DNAH6: variants seen among roughly 807,000 people sequenced by gnomAD.
DNAH6 encodes the protein dynein axonemal heavy chain 6.
Under a neutral mutation model 491.4 loss-of-function variants are expected in DNAH6, and 340 were observed. The observed-to-expected ratio is 0.69, with a 90% confidence interval of 0.63 to 0.76. The LOEUF is 0.76. Among genes scored for constraint, DNAH6 ranks in the 30% least tolerant of loss-of-function variants. DNAH6 has a pLI of 0.00. For missense variants in DNAH6, 4,443 were observed against 4,972.2 expected (o/e 0.89, Z 3.20); for synonymous variants, 1,603 against 1,686.1 (o/e 0.95, Z 1.21).
At chr2:84,479,535 T>G in the DNAH6 span, among the ~76,000 whole-genome samples, 1 of 152,236 alleles carries the variant, frequency 6.6e-6, no homozygotes, top group Non-Finnish European at 1.5e-5. Context: ...ATTACCAATG[T>G]CTACACACAA....
In DNAH6 at chr2:84,714,595, T is replaced by C. The variant is rs180923959; in HGVS notation, c.9544-965T>C. 2.4e-4 allele frequency among the ~76,000 whole-genome samples: 36 copies of C among 152,156 alleles called. No homozygotes were observed. The East Asian group carries it at 6.2e-3, about 26-fold the overall frequency. ...AATGTATTGTACATTTAAAAATAACTAAAACAGCATAATCAGAATGTTTTT... is the reference window on the plus strand; with the variant it reads ...AATGTATTGTACATTTAAAAATAACCAAAACAGCATAATCAGAATGTTTTT... On this transcript the variant is annotated intron_variant, in intron 57 of 76. Coordinates refer to ENST00000389394, the MANE Select transcript of DNAH6 (RefSeq NM_001370.2).
At chr2:84,754,178 T>TTTTTC (rs1164470025) in intron 63 of DNAH6, among the ~76,000 whole-genome samples, 2 of 151,150 alleles carry the variant, frequency 1.3e-5, no homozygotes, top group African/African-American at 2.4e-5. Context: ...ACATTCTTTT[T>TTTTTC]TTTTCTTTTC....
chr2:84,647,005 C>T (rs1689964062), intron 33 of DNAH6, among the ~76,000 whole-genome samples: 1 of 152,026 alleles, frequency 6.6e-6, no homozygotes, highest in Non-Finnish European at 1.5e-5. Flanking sequence ...ATGCCACCAC[C>T]CATGGCTAAT....
Position 84,553,034 on chromosome 2 carries a change from GGT to G in DNAH6, c.1602+7_1602+8del. The G allele has an allele frequency of 6.4e-7, 1 of 1,567,542 alleles. No homozygotes were observed. Among genetic ancestry groups the G allele is most frequent in the Non-Finnish European group, 8.7e-7 (1 of 1,147,172 alleles). The stretch of plus-strand genomic sequence containing the variant: ...TTGAGCCTTCTCTGGAAGACTTTCT[GGT>G]GTGTGTTTTTCATGTATTATCCACA... On this transcript the variant is annotated splice_donor_variant, in intron 10 of 76. Transcript: ENST00000389394. LOFTEE classifies it high-confidence loss of function.
At chr2:84,571,943 A>G (rs1681937704) in intron 11 of DNAH6, among the ~76,000 whole-genome samples, 1 of 151,880 alleles carries the variant, frequency 6.6e-6, no homozygotes, top group African/African-American at 2.4e-5. Context: ...AAAAAAGAAA[A>G]CCAAAAAGAT....
In DNAH6 at chr2:84,727,605, A is replaced by G. The variant is rs768630253; in HGVS notation, c.9973-64A>G. ...CACTGAATGCGAACAAGGGAGACAG[A>G]TTTTTTGTTCTCTGCAGAGAATGAA... On this transcript the variant is annotated intron_variant, in intron 60 of 76. Transcript: ENST00000389394. The G allele has an allele frequency of 4.8e-4, 503 of 1,055,126 alleles. 1 individual carries two copies. The highest frequency in any genetic ancestry group is 6.3e-4 in the Non-Finnish European group (449 of 709,938). The allele number at this position is 1,055,126 out of a possible 1,614,324, so 65.4% of individuals were successfully genotyped here.
chr2:84,786,528 G>A (rs899580231), intron 67 of DNAH6, among the ~76,000 whole-genome samples: 3 of 152,112 alleles, frequency 2.0e-5, no homozygotes, highest in African/African-American at 4.8e-5. Flanking sequence ...TCTGGGTGAG[G>A]CCCTTGTTCC....
intron 37 of DNAH6, among the ~76,000 whole-genome samples, chr2:84,665,315 G>GT (rs899855741): frequency 2.6e-5 from 4 of 152,110 alleles, no homozygotes; most frequent in African/African-American, 4.8e-5. Flanking sequence ...CCAGGAGCTG[G>GT]TTTTTTTAAA....
intron 11 of DNAH6, among the ~76,000 whole-genome samples, chr2:84,564,033 C>A (rs184882747): frequency 2.6e-5 from 4 of 152,094 alleles, no homozygotes; most frequent in African/African-American, 9.6e-5. Context: ...TCTGGGTTTT[C>A]TGTTCTGTTC....
At chr2:84,725,981 C>A (rs1698586270) in intron 60 of DNAH6, among the ~76,000 whole-genome samples, 1 of 152,182 alleles carries the variant, frequency 6.6e-6, no homozygotes, top group Non-Finnish European at 1.5e-5. Context: ...CAAAGACTTT[C>A]CCAATTTCCT....
At position 84,701,208 on chromosome 2, in the gene DNAH6, A is replaced by G. The variant is rs924090930; in HGVS notation, c.7930A>G (p.Ser2644Gly). The G allele has an allele frequency of 2.6e-6, 4 of 1,551,732 alleles. No homozygotes were observed. In the East Asian group the frequency reaches 9.8e-5, roughly 38 times the overall value. Residue 2644 changes from serine to glycine, a missense_variant, in exon 49 of 77, where the codon AGT becomes GGT. Coordinates refer to ENST00000389394, the MANE Select transcript of DNAH6 (RefSeq NM_001370.2). Reference protein sequence around the residue: ...LPLMCVNVHLSVSSMAERYYN... With the variant: ...LPLMCVNVHLGVSSMAERYYN... ...CTTGATGTGCGTGAACGTTCACTTG[A>G]GTGTCTCCAGCATGGCAGAGCGCTA... is the stretch of plus-strand genomic sequence containing the variant.
chr2:84,533,704 G>A (rs942045927), intron 4 of DNAH6, among the ~76,000 whole-genome samples: 2 of 152,128 alleles, frequency 1.3e-5, no homozygotes, highest in African/African-American at 4.8e-5. Flanking sequence ...CCAAAGAGCT[G>A]ATAAGAATTT....
chr2:84,542,048 T>G (rs1463027774), intron 4 of DNAH6, among the ~76,000 whole-genome samples: 1 of 152,084 alleles, frequency 6.6e-6, no homozygotes, highest in Non-Finnish European at 1.5e-5. Context: ...GAGAATGAAG[T>G]TCTGCGATAA....
chr2:84,598,156 TTTC>T (rs1392031081), intron 18 of DNAH6, among the ~76,000 whole-genome samples: 11 of 65,052 alleles, frequency 1.7e-4, no homozygotes, highest in African/African-American at 4.3e-4. Context: ...TCTTTCTTTC[TTTC>T]TTTCTTTCTT....
chr2:84,506,349 G>C, the DNAH6 span, among the ~76,000 whole-genome samples: 12 of 152,088 alleles, frequency 7.9e-5, no homozygotes, highest in Non-Finnish European at 1.8e-4. Flanking sequence ...GTGTTTTTTG[G>C]CTGCATAAAT....
rs1247711934 is a variant in DNAH6 at position 84,704,070 on chromosome 2, C to T, written c.8233C>T (p.Arg2745Cys). ...GCAGTCATGTTTCAATGGTTAGGTC[C>T]GTAACACTGTGCAGGAGGATGAAGC... ...AVDQESADQV[R>C]NTVQEDEATA... Residue 2745 changes from arginine to cysteine, a missense_variant, in exon 51 of 77, where the codon CGT becomes TGT. Physicochemically the swap from Arg to Cys is radical, Grantham distance 180. This residue lies in a region of DNAH6 where 2,977 missense variants were observed against 3,296.6 expected (regional missense o/e 0.90). Coordinates refer to ENST00000389394, the MANE Select transcript of DNAH6 (RefSeq NM_001370.2). 13 of 1,551,104 alleles carry T rather than the reference C, an allele frequency of 8.4e-6. No individual in the cohort carries two copies. Among genetic ancestry groups the T allele is most frequent in the East Asian group, 4.9e-5 (2 of 40,924 alleles).
chr2:84,519,628 C>G (rs373392434), intron 2 of DNAH6, among the ~76,000 whole-genome samples: 2 of 149,854 alleles, frequency 1.3e-5, no homozygotes, highest in East Asian at 2.0e-4. Flanking sequence ...CCTCTTCCCC[C>G]CTTCTTTCCC....
intron 64 of DNAH6, among the ~76,000 whole-genome samples, chr2:84,779,631 A>G (rs530505029): frequency 6.6e-6 from 1 of 152,194 alleles, no homozygotes; most frequent in Non-Finnish European, 1.5e-5. Context: ...TAGACCACTT[A>G]TATCCAAGGT....
At chr2:84,733,353 C>A (rs1699270141) in intron 61 of DNAH6, 91 bp from the exon 62 acceptor site, 2 of 1,115,836 alleles carry the variant, frequency 1.8e-6, no homozygotes, top group Non-Finnish European at 2.6e-6. Flanking sequence ...TTTTAACATA[C>A]TATTAGAGCT....
Sources: gnomAD v4.1 joint callset for allele counts (sites outside exome capture counted in the v4.1 genomes callset) on GRCh38, gnomAD v4.1.1 for gene constraint, gnomAD v4.1.1 regional missense constraint, MANE v1.5 for transcripts, NCBI Gene and HGNC (gene_info 2026-07-23, HGNC 2026-07-21) for gene names.